The following HPSE2 variants were observed in gnomAD, a reference collection of about 807,000 sequenced individuals.
HPSE2 encodes heparanase 2 (inactive).
Under a neutral mutation model 60.5 loss-of-function variants are expected in HPSE2, and 38 were observed. The ratio of observed to expected loss-of-function variants is 0.63; its 90% confidence interval spans 0.48 to 0.82. The LOEUF is 0.82. Ranked by LOEUF, HPSE2 falls within the 40% of genes least tolerant of loss-of-function variation. HPSE2 has a pLI of 0.00. For synonymous variants in HPSE2, 295 were observed against 293.2 expected, an observed-to-expected ratio of 1.01 and a Z score of -0.06; for missense variants, 713 against 740.4, an observed-to-expected ratio of 0.96 and a Z score of 0.43.
the HPSE2 span, among the ~76,000 whole-genome samples, chr10:99,287,020 C>A: frequency 6.6e-6 from 1 of 152,124 alleles, no homozygotes; most frequent in African/African-American, 2.4e-5. Context: ...TCGCTAAATA[C>A]CTCTCACAAA....
intron 2 of HPSE2, among the ~76,000 whole-genome samples, chr10:99,209,288 T>A (rs1379357469): frequency 6.6e-6 from 1 of 152,168 alleles, no homozygotes; most frequent in East Asian, 1.9e-4. Context: ...TCATATCAAA[T>A]ATATTTTCCA....
At chr10:99,069,567 C>G (rs1046680964) in intron 3 of HPSE2, among the ~76,000 whole-genome samples, 1 of 150,608 alleles carries the variant, frequency 6.6e-6, no homozygotes, top group African/African-American at 2.4e-5. Flanking sequence ...TCTTCCCTCT[C>G]TCCTTCCCTC....
At chr10:99,033,508 C>T (rs903277211) in intron 3 of HPSE2, among the ~76,000 whole-genome samples, 8 of 152,038 alleles carry the variant, frequency 5.3e-5, no homozygotes, top group South Asian at 2.1e-4. Context: ...ACAGGCCAGG[C>T]GCAGTGGCTT....
At chr10:98,886,658 T>TTTA (rs1307565026) in intron 3 of HPSE2, among the ~76,000 whole-genome samples, 1 of 152,150 alleles carries the variant, frequency 6.6e-6, no homozygotes, top group East Asian at 1.9e-4. Flanking sequence ...ATGAAGTTCC[T>TTTA]ACCGTGTTAA....
At chr10:99,240,916 T>G in the HPSE2 span, among the ~76,000 whole-genome samples, 1 of 152,188 alleles carries the variant, frequency 6.6e-6, no homozygotes, top group African/African-American at 2.4e-5. Context: ...TAACTAGGAC[T>G]GGGAAGCATG....
At position 98,884,788 on chromosome 10, in the gene HPSE2, C is replaced by T. The variant is rs186875255; in HGVS notation, c.611-140732G>A. The stretch of plus-strand genomic sequence containing the variant: ...CAGATCATCAGGCATTACTTAGATT[C>T]TCGTAAGGAGCACACAACCTAGATC... On this transcript the variant is annotated intron_variant, in intron 3 of 11. Coordinates refer to ENST00000370552, the MANE Select transcript of HPSE2 (RefSeq NM_021828.5). 3.7e-3 allele frequency among the ~76,000 whole-genome samples: 566 copies of T among 152,144 alleles called. 3 individuals carry two copies. Among genetic ancestry groups the T allele is most frequent in the African/African-American group, 0.013 (548 of 41,530 alleles).
Position 98,657,212 on chromosome 10 carries a change from C to CAAAAAAAA in HPSE2, c.1005-15280_1005-15273dup, listed in dbSNP as rs57694497. On this transcript the variant is annotated intron_variant, in intron 6 of 11. Transcript: ENST00000370552. Reference sequence around the variant, plus strand: ...AGAAGAGAGGTTGAGAGAAGCTGTGCAAAAAAAAAAAGCATTCAATAATTC... The same window carrying CAAAAAAAA: ...AGAAGAGAGGTTGAGAGAAGCTGTGCAAAAAAAAAAAAAAAAAAAGCATTCAATAATTC... Among the ~76,000 whole-genome samples the CAAAAAAAA allele has an allele frequency of 1.4e-5, 2 of 138,798 alleles. 1 individual carries two copies. The highest frequency in any genetic ancestry group is 3.1e-5 in the Non-Finnish European group (2 of 64,408). 91.1% of individuals were successfully genotyped at this position (138,798 alleles called of 152,430 possible). A position where few individuals can be genotyped will look rare whatever the true frequency, so the allele number is the denominator to read the frequency against.
chr10:99,097,582 C>T (rs1843762237), intron 3 of HPSE2, among the ~76,000 whole-genome samples: 1 of 152,100 alleles, frequency 6.6e-6, no homozygotes, highest in Non-Finnish European at 1.5e-5. Flanking sequence ...TGGTTGCAAA[C>T]TTATTTTAAT....
intron 9 of HPSE2, among the ~76,000 whole-genome samples, chr10:98,493,581 C>A (rs886797250): frequency 2.6e-5 from 4 of 152,040 alleles, no homozygotes; most frequent in Admixed American, 1.3e-4. Flanking sequence ...AATTTAAAAT[C>A]TATTTTGTCT....
intron 3 of HPSE2, among the ~76,000 whole-genome samples, chr10:98,748,482 C>A (rs899279978): frequency 6.6e-6 from 1 of 152,112 alleles, no homozygotes; most frequent in Non-Finnish European, 1.5e-5. Flanking sequence ...ACTCCCTCCA[C>A]CAGAGGGGGC....
chr10:98,864,556 G>C (rs961907059), intron 3 of HPSE2, among the ~76,000 whole-genome samples: 1 of 152,096 alleles, frequency 6.6e-6, no homozygotes, highest in Non-Finnish European at 1.5e-5. Flanking sequence ...CTGAGACTGA[G>C]AGAGGCTAAA....
At chr10:98,970,723 G>A (rs1341057733) in intron 3 of HPSE2, among the ~76,000 whole-genome samples, 1 of 152,128 alleles carries the variant, frequency 6.6e-6, no homozygotes, top group East Asian at 1.9e-4. Context: ...GTGACTTCAT[G>A]AGAGAAAGAG....
intron 4 of HPSE2, among the ~76,000 whole-genome samples, chr10:98,741,114 T>C (rs1949485789): frequency 6.6e-6 from 1 of 152,168 alleles, no homozygotes; most frequent in Non-Finnish European, 1.5e-5. Flanking sequence ...TAATCATTTA[T>C]TATGGTTACA....
intron 2 of HPSE2, among the ~76,000 whole-genome samples, chr10:99,212,533 T>A (rs1348794843): frequency 2.0e-5 from 3 of 152,030 alleles, no homozygotes; most frequent in Non-Finnish European, 4.4e-5. Flanking sequence ...CTAGGCAACA[T>A]TAGGGTAAGT....
At chr10:98,526,023 C>A (rs997262200) in intron 9 of HPSE2, among the ~76,000 whole-genome samples, 5 of 152,178 alleles carry the variant, frequency 3.3e-5, no homozygotes, top group African/African-American at 1.2e-4. Context: ...CATATACCCT[C>A]GTTACTCTGT....
intron 2 of HPSE2, among the ~76,000 whole-genome samples, chr10:99,209,311 TA>T (rs1198470500): frequency 2.0e-5 from 3 of 152,070 alleles, no homozygotes; most frequent in Admixed American, 1.3e-4. Context: ...CACAATAGTA[TA>T]AAACTAGAAA....
intron 7 of HPSE2, among the ~76,000 whole-genome samples, chr10:98,640,781 A>G (rs11189733): frequency 0.041 from 6,264 of 152,262 alleles, 287 homozygotes; most frequent in East Asian, 0.17. Flanking sequence ...GCCCATGGCA[A>G]TTGTAGATGT....
intron 6 of HPSE2, among the ~76,000 whole-genome samples, chr10:98,681,430 A>G (rs183929127): frequency 2.5e-3 from 388 of 152,284 alleles, no homozygotes; most frequent in Non-Finnish European, 4.2e-3. Context: ...CCAAATGACC[A>G]ATTCATGATG....
At position 98,482,777 on chromosome 10, in the gene HPSE2, T is replaced by C; in HGVS notation, c.1472A>G (p.Asn491Ser). ...YAHCTNHHNH[N>S]YVRGSITLFI... ...AAGTGTAATGGACCCACGAACGTAG[T>C]TGTGGCTGAGATCCAGAGAAAGAGA... The change falls in exon 11 of 12, where the codon AAC becomes AGC. Residue 491 changes from asparagine (N) to serine (S), a missense_variant. Asn to Ser is a conservative substitution (Grantham distance 46, BLOSUM62 1). Coordinates refer to ENST00000370552, the MANE Select transcript of HPSE2 (RefSeq NM_021828.5). 2 of 1,614,160 alleles carry C rather than the reference T, an allele frequency of 1.2e-6. No individual in the cohort carries two copies. The highest frequency in any genetic ancestry group is 8.5e-7 in the Non-Finnish European group (1 of 1,180,018).
Sources: gnomAD v4.1 joint callset for allele counts (sites outside exome capture counted in the v4.1 genomes callset) on GRCh38, gnomAD v4.1.1 for gene constraint, MANE v1.5 for transcripts, NCBI Gene and HGNC (gene_info 2026-07-23, HGNC 2026-07-21) for gene names.